The following IL1R2 variants were observed in gnomAD, a reference collection of about 807,000 sequenced individuals.
The protein encoded by IL1R2 is interleukin-1 receptor type 2.
In IL1R2, 46 loss-of-function variants were observed where a neutral mutation model predicts 39.5. The observed-to-expected ratio is 1.16, with a 90% CI of 0.92 to 1.49. The LOEUF is 1.49. IL1R2 is among the 40% of genes most tolerant of loss of function. The pLI is 0.00. For missense variants in IL1R2, 537 were observed against 502.0 expected (o/e 1.07, Z -0.67); for synonymous variants, 207 against 189.6 (o/e 1.09, Z -0.75).
At chr2:102,013,507 C>G (rs1676764737) in intron 3 of IL1R2, among the ~76,000 whole-genome samples, 1 of 73,068 alleles carries the variant, frequency 1.4e-5, no homozygotes, top group Admixed American at 2.2e-4. Context: ...AAATAAATGC[C>G]TTACTTTCTA....
At chr2:101,996,205 G>T (rs1577674403) in intron 1 of IL1R2, among the ~76,000 whole-genome samples, 1 of 152,154 alleles carries the variant, frequency 6.6e-6, no homozygotes, top group East Asian at 1.9e-4. Flanking sequence ...AGGGACGCAG[G>T]ATTTCAGCTC....
intron 3 of IL1R2, 73 bp downstream of exon 3, chr2:102,009,899 T>C (rs568634717): frequency 2.0e-6 from 3 of 1,518,966 alleles, no homozygotes; most frequent in East Asian, 4.5e-5. Context: ...TCAGTCATGA[T>C]CCGGATCTCA....
At chr2:102,003,362 C>T (rs1040503335) in intron 1 of IL1R2, among the ~76,000 whole-genome samples, 4 of 144,452 alleles carry the variant, frequency 2.8e-5, no homozygotes, top group South Asian at 2.3e-4. Flanking sequence ...GTGTCTGTGT[C>T]GGTGTCTGTG....
At chr2:102,000,737 A>G (rs1461621401) in intron 1 of IL1R2, among the ~76,000 whole-genome samples, 1 of 152,172 alleles carries the variant, frequency 6.6e-6, no homozygotes, top group Admixed American at 6.5e-5. Context: ...AGGATTGTGT[A>G]GGCTTGGGTT....
chr2:102,016,407 T>C (rs1353585808), intron 4 of IL1R2: 2 of 180,936 alleles, frequency 1.1e-5, no homozygotes, highest in Non-Finnish European at 2.3e-5. Context: ...GAAATTTCTA[T>C]TGCCTAGTGA....
At chr2:102,003,524 G>A (rs1376172515) in intron 1 of IL1R2, among the ~76,000 whole-genome samples, 1 of 116,766 alleles carries the variant, frequency 8.6e-6, no homozygotes. Context: ...TGTGTCCCAT[G>A]TCTGTGTCTG....
In IL1R2 at chr2:102,025,807, TTTG is replaced by T. The variant is rs1308571252; in HGVS notation, c.888-292_888-290del. ...GTTTCTGTTCCCATGACTGTTTTTT[TTTG>T]TTGTTGTTGTTCATTAAGAGACTTA... On this transcript the variant is annotated intron_variant, in intron 7 of 8. Transcript: ENST00000332549. 2.6e-5 allele frequency among the ~76,000 whole-genome samples: 4 copies of T among 152,318 alleles called. No individual in the cohort carries two copies. In the South Asian group the frequency reaches 6.2e-4, roughly 24 times the overall value.
chr2:102,008,739 T>G, intron 2 of IL1R2, 97 bp downstream of exon 2: 1 of 1,067,012 alleles, frequency 9.4e-7, no homozygotes, highest in Middle Eastern at 2.3e-4. Flanking sequence ...AAGCAAAGTG[T>G]GGGCCGAGCT....
At chr2:102,017,872 C>T (rs1035338399) in intron 4 of IL1R2, among the ~76,000 whole-genome samples, 2 of 152,170 alleles carry the variant, frequency 1.3e-5, no homozygotes, top group Admixed American at 6.5e-5. Flanking sequence ...TGGTCAACTC[C>T]TGATAGAGAC....
At position 102,016,071 on chromosome 2, in the gene IL1R2, C is replaced by T. The variant is rs200101383; in HGVS notation, c.513+20C>T. 130 of 1,573,634 alleles carry T rather than the reference C, an allele frequency of 8.3e-5. No individual in the cohort carries two copies. In the Middle Eastern group the frequency reaches 1.0e-3, roughly 12 times the overall value. On this transcript the variant is annotated intron_variant, in intron 4 of 8. Coordinates refer to ENST00000332549, the MANE Select transcript of IL1R2 (RefSeq NM_004633.4). ...TACAAGGTACGGCTTTAAAAAATGC[C>T]ATTTTACTAAAATGTGTTTTCTTTT...
intron 1 of IL1R2, among the ~76,000 whole-genome samples, chr2:101,993,260 C>G (rs377609187): frequency 6.6e-6 from 1 of 152,148 alleles, no homozygotes; most frequent in Non-Finnish European, 1.5e-5. Flanking sequence ...CAGAGGCGAA[C>G]TGGCCTGGGT....
At position 102,028,464 on chromosome 2, in the gene IL1R2, G is replaced by T. The variant is rs1677870385; in HGVS notation, c.*72G>T. The T allele has an allele frequency of 2.2e-6, 3 of 1,341,228 alleles. No homozygotes were observed. Among genetic ancestry groups the T allele is most frequent in the Non-Finnish European group, 3.0e-6 (3 of 984,598 alleles). The allele number at this position is 1,341,228 out of a possible 1,614,324, so 83.1% of individuals were successfully genotyped here. On this transcript the variant is annotated 3_prime_UTR_variant, in exon 9 of 9. Coordinates refer to ENST00000332549, the MANE Select transcript of IL1R2 (RefSeq NM_004633.4). ...CTTATGGAAGTGGCTGTGTCTTTTT[G>T]AGGGACTCTGTTCTTTGCCTCAGTT... is the stretch of plus-strand genomic sequence containing the variant.
intron 3 of IL1R2, among the ~76,000 whole-genome samples, chr2:102,012,759 G>A (rs868557821): frequency 2.7e-4 from 41 of 152,142 alleles, no homozygotes; most frequent in African/African-American, 8.9e-4. Context: ...AGCTATAAAT[G>A]CATATTTCTT....
chr2:102,021,242 C>G (rs1323717078), intron 5 of IL1R2, among the ~76,000 whole-genome samples: 1 of 151,738 alleles, frequency 6.6e-6, no homozygotes, highest in African/African-American at 2.4e-5. Flanking sequence ...ACTCACAGCC[C>G]TCACCCCCCA....
chr2:102,006,966 G>A (rs1247833972), intron 1 of IL1R2, among the ~76,000 whole-genome samples: 1 of 152,186 alleles, frequency 6.6e-6, no homozygotes, highest in Non-Finnish European at 1.5e-5. Flanking sequence ...CTGGTCCAAG[G>A]AGGATGAGAC....
intron 6 of IL1R2, among the ~76,000 whole-genome samples, chr2:102,022,946 T>C (rs1365676573): frequency 6.6e-6 from 1 of 152,192 alleles, no homozygotes; most frequent in African/African-American, 2.4e-5. Flanking sequence ...CTGTAGGTTT[T>C]ATTCTCTCAA....
At chr2:101,997,824 C>T (rs1675664902) in intron 1 of IL1R2, among the ~76,000 whole-genome samples, 1 of 152,196 alleles carries the variant, frequency 6.6e-6, no homozygotes, top group Non-Finnish European at 1.5e-5. Context: ...TCTCTTTTAC[C>T]TCTTGTCCCT....
intron 8 of IL1R2, 130 bp downstream of exon 8, chr2:102,026,383 C>T (rs957590733): frequency 3.2e-5 from 24 of 753,362 alleles, no homozygotes; most frequent in Non-Finnish European, 4.9e-5. Flanking sequence ...TAGTGGAGAG[C>T]TGAAAAGAAA....
chr2:102,010,864 A>G (rs1676586141), intron 3 of IL1R2, among the ~76,000 whole-genome samples: 1 of 152,194 alleles, frequency 6.6e-6, no homozygotes. Context: ...CACAAACTGA[A>G]ACTCTGAACC....
Sources: gnomAD v4.1 joint callset for allele counts (sites outside exome capture counted in the v4.1 genomes callset) on GRCh38, gnomAD v4.1.1 for gene constraint, MANE v1.5 for transcripts, NCBI Gene and HGNC (gene_info 2026-07-23, HGNC 2026-07-21) for gene names.